Variants in RANBP17 observed in about 807,000 individuals in gnomAD.
RANBP17 encodes RAN binding protein 17, also known as ran-binding protein 17.
Under a neutral mutation model 141.2 loss-of-function variants are expected in RANBP17, and 158 were observed. That is an observed-to-expected ratio of 1.12 (90% CI 0.98 to 1.28). RANBP17 has a LOEUF of 1.28. Ranked by LOEUF, RANBP17 falls within the 50% of genes most tolerant of loss-of-function variation. The pLI is 0.00. For missense variants in RANBP17, 1,438 were observed against 1,290.7 expected (o/e 1.11, Z -1.75); for synonymous variants, 430 against 450.0 (o/e 0.96, Z 0.56).
intron 18 of RANBP17, among the ~76,000 whole-genome samples, chr5:171,185,913 C>G (rs576580711): frequency 2.0e-5 from 3 of 152,182 alleles, no homozygotes; most frequent in Non-Finnish European, 4.4e-5. Context: ...CTGTGGCAGC[C>G]TAGAGCCTTA....
chr5:171,148,602 A>G (rs1009975451), intron 14 of RANBP17, among the ~76,000 whole-genome samples: 1 of 147,744 alleles, frequency 6.8e-6, no homozygotes, highest in Non-Finnish European at 1.5e-5. Flanking sequence ...CTGTATTGAT[A>G]TATATATATA....
chr5:170,917,472 G>A (rs1772068358), intron 9 of RANBP17, among the ~76,000 whole-genome samples: 1 of 151,988 alleles, frequency 6.6e-6, no homozygotes, highest in South Asian at 2.1e-4. Context: ...TAAAATATCT[G>A]TAAAATACAG....
At chr5:171,105,149 A>G (rs245776) in intron 14 of RANBP17, among the ~76,000 whole-genome samples, 145,481 of 151,274 alleles carry the variant, frequency 0.96, 70,008 homozygotes, top group East Asian at 1. Flanking sequence ...TTGGGAGGCC[A>G]AGGCGGGCAG....
intron 14 of RANBP17, among the ~76,000 whole-genome samples, chr5:171,119,554 T>G (rs1341145985): frequency 2.6e-5 from 4 of 152,200 alleles, no homozygotes; most frequent in Admixed American, 1.3e-4. Flanking sequence ...AAAGTGAACA[T>G]CCTTGTCATG....
intron 14 of RANBP17, among the ~76,000 whole-genome samples, chr5:171,103,717 A>G (rs1277897879): frequency 6.6e-6 from 1 of 151,960 alleles, no homozygotes; most frequent in Non-Finnish European, 1.5e-5. Context: ...CTTGAAACGC[A>G]GGGCCCTGGT....
chr5:170,973,161 T>G (rs1395478944), intron 14 of RANBP17, among the ~76,000 whole-genome samples: 2 of 152,148 alleles, frequency 1.3e-5, no homozygotes, highest in Non-Finnish European at 2.9e-5. Context: ...AAGTTTTTAG[T>G]TAAAGGGAAC....
intron 14 of RANBP17, among the ~76,000 whole-genome samples, chr5:171,055,454 A>G (rs1196862168): frequency 6.6e-6 from 1 of 152,184 alleles, no homozygotes; most frequent in East Asian, 1.9e-4. Flanking sequence ...TCAAAATAAG[A>G]TGTATTCTTA....
intron 25 of RANBP17, among the ~76,000 whole-genome samples, chr5:171,279,325 T>A (rs879278780): frequency 1.3e-5 from 2 of 152,218 alleles, no homozygotes; most frequent in African/African-American, 2.4e-5. Context: ...TTGAGTAATA[T>A]GTAATGAACA....
rs545491118 is a variant in RANBP17 at position 171,130,458 on chromosome 5, C to T, written c.1711-39672C>T. ...TTTTTTTTTTTTTTTTTTTTTGAGA[C>T]GGAGTTTCGCTCTTCTTGCTCAGGC... On this transcript the variant is annotated intron_variant, in intron 14 of 27. Coordinates refer to ENST00000523189, the MANE Select transcript of RANBP17 (RefSeq NM_022897.5). Among the ~76,000 whole-genome samples the T allele has an allele frequency of 3.2e-4, 12 of 37,394 alleles. No individual in the cohort carries two copies. In the East Asian group the frequency reaches 4.5e-3, roughly 14 times the overall value. 24.5% of individuals were successfully genotyped at this position (37,394 alleles called of 152,430 possible).
At chr5:170,895,888 C>G (rs1195283055) in intron 4 of RANBP17, among the ~76,000 whole-genome samples, 162 bp from the exon 5 acceptor site, 1 of 152,066 alleles carries the variant, frequency 6.6e-6, no homozygotes, top group Non-Finnish European at 1.5e-5. Flanking sequence ...GTTTATAGAA[C>G]TCATAGCGAT....
chr5:170,968,199 G>C, intron 13 of RANBP17, 43 bp from the exon 14 acceptor site: 1 of 1,395,496 alleles, frequency 7.2e-7, no homozygotes, highest in Non-Finnish European at 9.6e-7. Flanking sequence ...GTTTCTCTAA[G>C]GTTTTGTACT....
At chr5:171,092,466 A>G (rs1288908545) in intron 14 of RANBP17, among the ~76,000 whole-genome samples, 3 of 152,184 alleles carry the variant, frequency 2.0e-5, no homozygotes, top group African/African-American at 7.2e-5. Flanking sequence ...TCAGCATAAT[A>G]TACTAAGACA....
chr5:171,096,462 A>C lies in RANBP17; in HGVS notation c.1711-73668A>C, dbSNP rs138596634. 9.4e-4 allele frequency among the ~76,000 whole-genome samples: 143 copies of C among 152,314 alleles called. 2 individuals carry two copies. Among genetic ancestry groups the C allele is most frequent in the African/African-American group, 3.4e-3 (141 of 41,584 alleles). ...ATCCGAGGAGAAATGCTTTGTAAGA[A>C]TGTTGAATTCATTTGCTACATAGGC... On this transcript the variant is annotated intron_variant, in intron 14 of 27. Transcript: ENST00000523189.
chr5:171,105,254 C>T (rs201600547), intron 14 of RANBP17, among the ~76,000 whole-genome samples: 7,623 of 148,082 alleles, frequency 0.051, 244 homozygotes, highest in East Asian at 0.12. Context: ...TAGTGGCGGG[C>T]GCCTGTAGTC....
intron 20 of RANBP17, among the ~76,000 whole-genome samples, chr5:171,212,936 C>G (rs1337336401): frequency 1.3e-5 from 2 of 152,068 alleles, no homozygotes. Context: ...GGCATATACT[C>G]CTTAGCATTA....
chr5:171,116,049 A>G (rs1351952070), intron 14 of RANBP17, among the ~76,000 whole-genome samples: 1 of 152,216 alleles, frequency 6.6e-6, no homozygotes, highest in Non-Finnish European at 1.5e-5. Flanking sequence ...TAAATGTTGT[A>G]TAGAATAATG....
intron 24 of RANBP17, among the ~76,000 whole-genome samples, chr5:171,254,043 C>T (rs1245439835): frequency 6.6e-6 from 1 of 152,040 alleles, no homozygotes; most frequent in African/African-American, 2.4e-5. Context: ...GTCAGGAGAT[C>T]GAGACCATCC....
intron 6 of RANBP17, chr5:170,910,626 C>T: frequency 3.4e-5 from 6 of 177,026 alleles, no homozygotes; most frequent in Admixed American, 1.2e-4. Flanking sequence ...ATATAATTTC[C>T]TCTATAAATA....
chr5:171,102,042 A>G (rs1004334207), intron 14 of RANBP17, among the ~76,000 whole-genome samples: 4 of 151,702 alleles, frequency 2.6e-5, no homozygotes, highest in Non-Finnish European at 4.4e-5. Flanking sequence ...CTTCATTTCA[A>G]CCTTGGAGAA....
Sources: allele counts gnomAD v4.1 joint callset (sites outside exome capture counted in the v4.1 genomes callset), GRCh38; gene constraint gnomAD v4.1.1; transcripts MANE v1.5; gene names NCBI Gene and HGNC (gene_info 2026-07-23, HGNC 2026-07-21).